NRP1: variants seen among roughly 807,000 people sequenced by gnomAD.
The protein encoded by NRP1 is neuropilin-1.
In NRP1, 35 loss-of-function variants were observed where a neutral mutation model predicts 106.7. The observed-to-expected ratio is 0.33, with a 90% CI of 0.25 to 0.43. The LOEUF (loss-of-function observed/expected upper bound fraction) is 0.43. NRP1 is among the 20% of genes least tolerant of loss of function. NRP1 has a pLI of 1.00. For missense variants in NRP1, 1,024 were observed against 1,170.4 expected, an observed-to-expected ratio of 0.87 and a Z score of 1.83; for synonymous variants, 437 against 417.9, an observed-to-expected ratio of 1.05 and a Z score of -0.56.
chr10:33,234,996 A>G (rs752703039), intron 6 of NRP1, among the ~76,000 whole-genome samples: 1 of 152,182 alleles, frequency 6.6e-6, no homozygotes, highest in Non-Finnish European at 1.5e-5. Flanking sequence ...AAGGCCCCAC[A>G]CAAGGGCTGA....
intron 2 of NRP1, among the ~76,000 whole-genome samples, chr10:33,303,017 C>T (rs1341565062): frequency 1.3e-5 from 2 of 152,090 alleles, no homozygotes; most frequent in African/African-American, 2.4e-5. Flanking sequence ...TCCAAGGCAG[C>T]GAATCTTTCC....
chr10:33,299,038 A>G lies in NRP1; in HGVS notation c.249-28182T>C, dbSNP rs760857621. On this transcript the variant is annotated intron_variant, in intron 2 of 16. Transcript: ENST00000374867. ...GTTTGTTTTATACTTTAAGGACCCCACAAGGTAGGCACTATTTTTAGCCCC... is the reference window on the plus strand; with the variant it reads ...GTTTGTTTTATACTTTAAGGACCCCGCAAGGTAGGCACTATTTTTAGCCCC... Among the ~76,000 whole-genome samples the G allele has an allele frequency of 2.2e-4, 33 of 152,306 alleles. No individual in the cohort carries two copies. In the Middle Eastern group the frequency reaches 0.01, roughly 47 times the overall value.
chr10:33,189,174 C>T (rs1347962732), intron 13 of NRP1, among the ~76,000 whole-genome samples: 1 of 151,856 alleles, frequency 6.6e-6, no homozygotes, highest in Non-Finnish European at 1.5e-5. Context: ...ACAATAAACA[C>T]CCGATCCACA....
Position 33,186,490 on chromosome 10 carries a change from T to G in NRP1, c.2063-2A>C, listed in dbSNP as rs765863364. ...GGGAATAGATGAAGTTGCCATCTCC[T>G]GCTGTGACAAAGAACTGTGTTAGGG... On this transcript the variant is annotated splice_acceptor_variant, in intron 13 of 16. Coordinates refer to ENST00000374867, the MANE Select transcript of NRP1 (RefSeq NM_003873.7). LOFTEE classifies it high-confidence loss of function. 6.2e-6 allele frequency: 10 copies of G among 1,607,512 alleles called. No individual in the cohort carries two copies. The highest frequency in any genetic ancestry group is 8.5e-6 in the Non-Finnish European group (10 of 1,175,800).
intron 1 of NRP1, 124 bp from the exon 2 acceptor site, chr10:33,331,006 C>T (rs1848247949): frequency 3.9e-6 from 3 of 775,616 alleles, no homozygotes; most frequent in South Asian, 2.1e-5. Context: ...AAAAGGTCCC[C>T]GTAAGTCCTT....
intron 2 of NRP1, among the ~76,000 whole-genome samples, chr10:33,276,468 A>C (rs1224282657): frequency 1.3e-5 from 2 of 152,214 alleles, no homozygotes; most frequent in African/African-American, 2.4e-5. Context: ...CCATGTCAGC[A>C]TGTTCTCACA....
chr10:33,280,578 A>G (rs1270383733), intron 2 of NRP1, among the ~76,000 whole-genome samples: 2 of 152,242 alleles, frequency 1.3e-5, no homozygotes, highest in Non-Finnish European at 2.9e-5. Flanking sequence ...AAGAGTTTAT[A>G]TAGCAAGTCC....
In NRP1 at chr10:33,328,454, G is replaced by A. The variant is rs549342404; in HGVS notation, c.248+2254C>T. Among the ~76,000 whole-genome samples the A allele has an allele frequency of 3.3e-5, 5 of 152,262 alleles. No individual in the cohort carries two copies. The South Asian group carries it at 1.0e-3, about 32-fold the overall frequency. On this transcript the variant is annotated intron_variant, in intron 2 of 16. Coordinates refer to ENST00000374867, the MANE Select transcript of NRP1 (RefSeq NM_003873.7). ...TTATTTCCCTGACCATGAAAAGCTA[G>A]TTTACTACACCAACTCAACAGGTTG... is the stretch of plus-strand genomic sequence containing the variant.
intron 3 of NRP1, among the ~76,000 whole-genome samples, chr10:33,265,109 G>A (rs1160393463): frequency 1.3e-5 from 2 of 151,514 alleles, no homozygotes; most frequent in South Asian, 2.1e-4. Flanking sequence ...GCCAGACTCC[G>A]CCTCAAAAAA....
intron 2 of NRP1, among the ~76,000 whole-genome samples, chr10:33,302,329 G>T (rs1005279190): frequency 3.9e-5 from 6 of 152,032 alleles, no homozygotes; most frequent in Non-Finnish European, 7.4e-5. Flanking sequence ...TTCCATCCTG[G>T]TCTCATCCTG....
intron 2 of NRP1, among the ~76,000 whole-genome samples, chr10:33,296,731 TTAA>T (rs1341411565): frequency 2.6e-5 from 4 of 152,160 alleles, no homozygotes; most frequent in African/African-American, 9.7e-5. Context: ...CATTTCAGTC[TTAA>T]TAATCCAATT....
chr10:33,179,984 C>T lies in NRP1; in HGVS notation c.*92G>A. The T allele has an allele frequency of 1.5e-6, 2 of 1,358,244 alleles. No homozygotes were observed. The highest frequency in any genetic ancestry group is 2.6e-5 in the South Asian group (2 of 75,588). The allele number at this position is 1,358,244 out of a possible 1,614,324, so 84.1% of individuals were successfully genotyped here. ...TGGCTCAGTGGTCATCAACACACTTCCCAGCCTGTATAGTGAAAGATCAAC... is the reference window on the plus strand; with the variant it reads ...TGGCTCAGTGGTCATCAACACACTTTCCAGCCTGTATAGTGAAAGATCAAC... On this transcript the variant is annotated 3_prime_UTR_variant, in exon 17 of 17. Transcript: ENST00000374867.
intron 2 of NRP1, among the ~76,000 whole-genome samples, chr10:33,276,941 A>T (rs933716442): frequency 2.6e-5 from 4 of 151,926 alleles, no homozygotes; most frequent in African/African-American, 9.7e-5. Flanking sequence ...CTCTCTACAA[A>T]ATTTTTTTAA....
chr10:33,193,641 T>C (rs533928229), intron 12 of NRP1, among the ~76,000 whole-genome samples: 1 of 152,364 alleles, frequency 6.6e-6, no homozygotes, highest in African/African-American at 2.4e-5. Flanking sequence ...TATTAGATGC[T>C]GTATTAGGGT....
chr10:33,265,734 C>A (rs1326951542), intron 3 of NRP1, among the ~76,000 whole-genome samples: 1 of 152,200 alleles, frequency 6.6e-6, no homozygotes, highest in Non-Finnish European at 1.5e-5. Context: ...GGACGTGGCT[C>A]ACCCTTCACC....
At chr10:33,228,137 A>C (rs1839815872) in intron 6 of NRP1, among the ~76,000 whole-genome samples, 1 of 129,832 alleles carries the variant, frequency 7.7e-6, no homozygotes. Context: ...TTTAAACACA[A>C]GCTTAAAAAA....
intron 3 of NRP1, among the ~76,000 whole-genome samples, chr10:33,267,674 A>G (rs1473413471): frequency 1.3e-5 from 2 of 151,768 alleles, no homozygotes; most frequent in African/African-American, 4.8e-5. Flanking sequence ...CAAGGGAAGG[A>G]TGGGAACAGA....
chr10:33,263,746 G>T lies in NRP1; in HGVS notation c.558C>A (p.Ile186=). The change falls in exon 4 of 17, where the codon ATC becomes ATA. Residue 186 remains isoleucine, a synonymous_variant. Transcript: ENST00000374867. The part of the protein sequence containing the change: ...IVFVPKMSEI[I]LEFESFDLEP... ...CCAGGTCAAAGCTTTCAAATTCCAG[G>T]ATAATCTCTGACATCTTTGGCACAA... 6.2e-7 allele frequency: 1 copy of T among 1,613,914 alleles called. No homozygotes were observed. Among genetic ancestry groups the T allele is most frequent in the Non-Finnish European group, 8.5e-7 (1 of 1,179,858 alleles).
intron 8 of NRP1, among the ~76,000 whole-genome samples, chr10:33,219,998 A>T (rs1488171707): frequency 6.6e-6 from 1 of 152,244 alleles, no homozygotes; most frequent in Non-Finnish European, 1.5e-5. Flanking sequence ...GGTTATATCT[A>T]ACTTTTCAAT....
Sources: allele counts gnomAD v4.1 joint callset (sites outside exome capture counted in the v4.1 genomes callset), GRCh38; gene constraint gnomAD v4.1.1; transcripts MANE v1.5; gene names NCBI Gene and HGNC (gene_info 2026-07-23, HGNC 2026-07-21).